The following TNFSF4 variants were observed in gnomAD, a reference collection of about 807,000 sequenced individuals.
The protein encoded by TNFSF4 is tumor necrosis factor ligand superfamily member 4.
In TNFSF4, 4 loss-of-function variants were observed where a neutral mutation model predicts 7.3. That is an observed-to-expected ratio of 0.55 (90% confidence interval 0.27 to 1.25). TNFSF4 has a LOEUF of 1.25. Among genes scored for constraint, TNFSF4 ranks in the 50% most tolerant of loss-of-function variants. The pLI is 0.12. For synonymous variants in TNFSF4, 76 were observed against 83.7 expected, an observed-to-expected ratio of 0.91 and a Z score of 0.50; for missense variants, 181 against 208.8, an observed-to-expected ratio of 0.87 and a Z score of 0.82.
the TNFSF4 span, among the ~76,000 whole-genome samples, chr1:173,386,570 C>A: frequency 6.6e-6 from 1 of 152,052 alleles, no homozygotes; most frequent in Admixed American, 6.5e-5. Context: ...AGGTCAATGT[C>A]CAGAGAGCCA....
At chr1:173,228,417 A>G in the TNFSF4 span, among the ~76,000 whole-genome samples, 2 of 152,190 alleles carry the variant, frequency 1.3e-5, no homozygotes, top group African/African-American at 4.8e-5. Flanking sequence ...CCACACCAAA[A>G]CCCCATCTAT....
At chr1:173,311,033 TA>T in the TNFSF4 span, among the ~76,000 whole-genome samples, 2 of 152,018 alleles carry the variant, frequency 1.3e-5, no homozygotes, top group African/African-American at 4.8e-5. Context: ...TTATCTCATG[TA>T]AACATCATAT....
the TNFSF4 span, among the ~76,000 whole-genome samples, chr1:173,442,479 CT>C: frequency 7.9e-5 from 12 of 151,786 alleles, no homozygotes; most frequent in African/African-American, 2.2e-4. Context: ...GAAAATGTCC[CT>C]GAGAAATCTA....
the TNFSF4 span, among the ~76,000 whole-genome samples, chr1:173,415,767 T>C: frequency 2.6e-5 from 4 of 152,252 alleles, no homozygotes; most frequent in Non-Finnish European, 5.9e-5. Flanking sequence ...TCTTTTTTAG[T>C]ATGCTTGATA....
chr1:173,359,868 C>T, the TNFSF4 span, among the ~76,000 whole-genome samples: 9 of 152,354 alleles, frequency 5.9e-5, no homozygotes, highest in Admixed American at 2.0e-4. Context: ...GAGCACCCCA[C>T]GTGCTCCCTG....
intron 1 of TNFSF4, chr1:173,205,485 A>G (rs1298315760): frequency 3.3e-6 from 5 of 1,494,466 alleles, no homozygotes; most frequent in South Asian, 1.3e-5. Context: ...ACTGTGGTTC[A>G]CCTTTTGCTC....
chr1:173,427,129 A>C, the TNFSF4 span, among the ~76,000 whole-genome samples: 6 of 152,248 alleles, frequency 3.9e-5, no homozygotes, highest in African/African-American at 1.4e-4. Context: ...CACAGCACCA[A>C]CAAAAAATCA....
chr1:173,225,156 T>C, the TNFSF4 span, among the ~76,000 whole-genome samples: 1 of 152,064 alleles, frequency 6.6e-6, no homozygotes, highest in Non-Finnish European at 1.5e-5. Flanking sequence ...AAGAAAGAGG[T>C]TGGTTAAATA....
chr1:173,238,937 T>C, the TNFSF4 span, among the ~76,000 whole-genome samples: 4 of 152,112 alleles, frequency 2.6e-5, no homozygotes, highest in Non-Finnish European at 5.9e-5. Context: ...AACAAAATAA[T>C]TGGCTTTGGC....
the TNFSF4 span, among the ~76,000 whole-genome samples, chr1:173,427,994 C>T: frequency 6.6e-6 from 1 of 150,774 alleles, no homozygotes; most frequent in Non-Finnish European, 1.5e-5. Flanking sequence ...GCTTTGTTGC[C>T]CAAGCTGAAG....
chr1:173,228,825 G>A, the TNFSF4 span, among the ~76,000 whole-genome samples: 149 of 152,252 alleles, frequency 9.8e-4, no homozygotes, highest in African/African-American at 3.5e-3. Flanking sequence ...GAAGAAAGGG[G>A]ATCAGTGATT....
chr1:173,317,627 A>T, the TNFSF4 span, among the ~76,000 whole-genome samples: 23 of 152,368 alleles, frequency 1.5e-4, no homozygotes, highest in Admixed American at 5.9e-4. Context: ...AAACATCCAC[A>T]TGAAGAAACT....
the TNFSF4 span, among the ~76,000 whole-genome samples, chr1:173,423,327 C>T: frequency 1.3e-5 from 2 of 152,030 alleles, no homozygotes; most frequent in African/African-American, 4.8e-5. Flanking sequence ...CAATGTTGTC[C>T]ATTATTTTAT....
the TNFSF4 span, among the ~76,000 whole-genome samples, chr1:173,282,766 A>T: frequency 2.5e-4 from 38 of 152,192 alleles, no homozygotes; most frequent in Non-Finnish European, 5.1e-4. Flanking sequence ...CTAAATTTTT[A>T]AATGTATAAA....
the TNFSF4 span, among the ~76,000 whole-genome samples, chr1:173,273,623 A>C: frequency 2.3e-3 from 355 of 152,246 alleles, 2 homozygotes; most frequent in African/African-American, 8.1e-3. Context: ...ACCGTACACC[A>C]AAATAAATTT....
At chr1:173,395,577 T>A in the TNFSF4 span, among the ~76,000 whole-genome samples, 1 of 151,340 alleles carries the variant, frequency 6.6e-6, no homozygotes, top group East Asian at 1.9e-4. Context: ...AAGGCTTCTA[T>A]GTGTGCCCTG....
the TNFSF4 span, among the ~76,000 whole-genome samples, chr1:173,345,908 G>T: frequency 6.6e-6 from 1 of 152,304 alleles, no homozygotes; most frequent in East Asian, 1.9e-4. Flanking sequence ...GCAGCAGAGT[G>T]GTAAGTCCTA....
At chr1:173,178,006 A>C in the TNFSF4 span, among the ~76,000 whole-genome samples, 1 of 152,218 alleles carries the variant, frequency 6.6e-6, no homozygotes, top group Non-Finnish European at 1.5e-5. Context: ...AGCCACCATT[A>C]ATATCATTAG....
chr1:173,213,057 A>G, the TNFSF4 span, among the ~76,000 whole-genome samples: 1 of 152,148 alleles, frequency 6.6e-6, no homozygotes, highest in Non-Finnish European at 1.5e-5. Context: ...AACAATACTG[A>G]AAACAGCACT....
Sources: allele counts gnomAD v4.1 joint callset (sites outside exome capture counted in the v4.1 genomes callset), GRCh38; gene constraint gnomAD v4.1.1; transcripts MANE v1.5; gene names NCBI Gene and HGNC (gene_info 2026-07-23, HGNC 2026-07-21).